The following LRRC4C variants were observed in gnomAD, a reference collection of about 807,000 sequenced individuals.
LRRC4C encodes leucine-rich repeat-containing protein 4C.
Under a neutral mutation model 33.6 loss-of-function variants are expected in LRRC4C, and 5 were observed. That is an observed-to-expected ratio of 0.15 (90% CI 0.08 to 0.31). The LOEUF (loss-of-function observed/expected upper bound fraction) is 0.31, where lower values mean the gene tolerates loss of function less well. Among genes scored for constraint, LRRC4C ranks in the 10% least tolerant of loss-of-function variants. The pLI is 1.00. For synonymous variants in LRRC4C, 329 were observed against 302.0 expected (o/e 1.09, Z -0.93); for missense variants, 560 against 796.7 (o/e 0.70, Z 3.58).
At chr11:40,150,924 G>A (rs1206131087) in intron 5 of LRRC4C, among the ~76,000 whole-genome samples, 1 of 152,028 alleles carries the variant, frequency 6.6e-6, no homozygotes, top group African/African-American at 2.4e-5. Context: ...ACATATGGGG[G>A]TGGTGGTGAG....
chr11:40,358,468 A>G (rs536937558), intron 3 of LRRC4C, among the ~76,000 whole-genome samples: 89 of 152,128 alleles, frequency 5.9e-4, no homozygotes, highest in South Asian at 2.1e-3. Context: ...TTTAGTAGAG[A>G]TGGGGTTTCA....
chr11:40,735,847 C>T (rs1270358523), intron 2 of LRRC4C, among the ~76,000 whole-genome samples: 1 of 150,668 alleles, frequency 6.6e-6, no homozygotes, highest in Non-Finnish European at 1.5e-5. Flanking sequence ...TAATGATCGC[C>T]ATTCTAACTG....
chr11:41,151,906 C>T (rs944400201), intron 1 of LRRC4C, among the ~76,000 whole-genome samples: 4 of 152,164 alleles, frequency 2.6e-5, no homozygotes, highest in African/African-American at 9.7e-5. Context: ...GTAAAAAGTT[C>T]AGCACAGAAT....
intron 4 of LRRC4C, among the ~76,000 whole-genome samples, chr11:40,301,251 A>G (rs1364841047): frequency 6.6e-6 from 1 of 152,228 alleles, no homozygotes; most frequent in Non-Finnish European, 1.5e-5. Flanking sequence ...CAACTCAGTT[A>G]TCTTTTACAT....
At chr11:40,327,508 C>T (rs754249540) in intron 3 of LRRC4C, among the ~76,000 whole-genome samples, 6 of 152,072 alleles carry the variant, frequency 3.9e-5, no homozygotes, top group Admixed American at 3.3e-4. Flanking sequence ...GGCTGAGAAG[C>T]GATATTCATC....
intron 2 of LRRC4C, among the ~76,000 whole-genome samples, chr11:40,655,302 A>G (rs561537301): frequency 6.6e-6 from 1 of 152,342 alleles, no homozygotes; most frequent in South Asian, 2.1e-4. Flanking sequence ...GTCATCATTC[A>G]TAATAACACA....
chr11:41,303,356 C>G (rs1370090731), intron 1 of LRRC4C, among the ~76,000 whole-genome samples: 1 of 117,262 alleles, frequency 8.5e-6, no homozygotes, highest in Non-Finnish European at 1.8e-5. Flanking sequence ...CCCGAGGTGC[C>G]GGGATTGCAG....
intron 3 of LRRC4C, among the ~76,000 whole-genome samples, chr11:40,444,937 T>C (rs1951563223): frequency 6.6e-6 from 1 of 152,132 alleles, no homozygotes; most frequent in South Asian, 2.1e-4. Flanking sequence ...GGAATAGAGG[T>C]GGGAAGACCT....
At chr11:40,470,240 C>G (rs897873948) in intron 3 of LRRC4C, among the ~76,000 whole-genome samples, 4 of 152,178 alleles carry the variant, frequency 2.6e-5, no homozygotes, top group African/African-American at 9.7e-5. Flanking sequence ...CCCAGGCAAA[C>G]AGGGTCTGGA....
chr11:40,725,764 CT>C (rs1947262847), intron 2 of LRRC4C, among the ~76,000 whole-genome samples: 1 of 152,138 alleles, frequency 6.6e-6, no homozygotes, highest in Non-Finnish European at 1.5e-5. Context: ...CTCATCTCAG[CT>C]TTTTAAAAAT....
At chr11:40,284,074 G>A (rs138979665) in intron 4 of LRRC4C, among the ~76,000 whole-genome samples, 2 of 152,260 alleles carry the variant, frequency 1.3e-5, no homozygotes, top group Non-Finnish European at 2.9e-5. Context: ...AATAGTAAGA[G>A]CTATCACAAA....
At chr11:40,378,314 G>T (rs941821431) in intron 3 of LRRC4C, among the ~76,000 whole-genome samples, 2 of 151,874 alleles carry the variant, frequency 1.3e-5, no homozygotes, top group Non-Finnish European at 2.9e-5. Context: ...AGTTCATCAT[G>T]GGAAGCCTTC....
intron 6 of LRRC4C, among the ~76,000 whole-genome samples, chr11:40,119,163 A>G (rs1281602018): frequency 6.6e-6 from 1 of 152,164 alleles, no homozygotes; most frequent in African/African-American, 2.4e-5. Context: ...CCCCTCAGTA[A>G]TAGGAGATGC....
intron 5 of LRRC4C, among the ~76,000 whole-genome samples, chr11:40,235,274 A>G (rs906279797): frequency 6.6e-6 from 1 of 152,242 alleles, no homozygotes; most frequent in African/African-American, 2.4e-5. Context: ...TAAAACATTT[A>G]GCCCAATAGC....
At chr11:40,443,357 A>G (rs1951480282) in intron 3 of LRRC4C, among the ~76,000 whole-genome samples, 1 of 152,218 alleles carries the variant, frequency 6.6e-6, no homozygotes, top group Non-Finnish European at 1.5e-5. Context: ...ATAGACCTTA[A>G]GTAAATTACT....
chr11:41,100,721 C>A (rs1941120984), intron 1 of LRRC4C, among the ~76,000 whole-genome samples: 1 of 152,098 alleles, frequency 6.6e-6, no homozygotes, highest in African/African-American at 2.4e-5. Flanking sequence ...CAAAAAGGAG[C>A]ATGAATAGCC....
At chr11:40,829,775 T>C (rs534640028) in intron 2 of LRRC4C, among the ~76,000 whole-genome samples, 1 of 152,198 alleles carries the variant, frequency 6.6e-6, no homozygotes, top group East Asian at 1.9e-4. Flanking sequence ...CCATTATCTA[T>C]CAACCACTGT....
At chr11:40,961,629 C>A (rs1231741899) in intron 1 of LRRC4C, among the ~76,000 whole-genome samples, 1 of 151,594 alleles carries the variant, frequency 6.6e-6, no homozygotes, top group Non-Finnish European at 1.5e-5. Context: ...TGTGTCTATA[C>A]AAGGTCTACG....
rs372224291 is a variant in LRRC4C, at chr11:41,249,097, C to T, written c.-496+210334G>A. The stretch of plus-strand genomic sequence containing the variant: ...TCGCCCAGACTAGAGTGCAGTGGCA[C>T]GATCTCGGCTCACTGCAAGCTCCAC... On this transcript the variant is annotated intron_variant, in intron 1 of 6. Coordinates refer to ENST00000528697, the MANE Select transcript of LRRC4C (RefSeq NM_001258419.2). 1.7e-3 allele frequency among the ~76,000 whole-genome samples: 259 copies of T among 151,376 alleles called. 1 individual carries two copies. Among genetic ancestry groups the T allele is most frequent in the African/African-American group, 5.6e-3 (231 of 41,258 alleles).
Sources: gnomAD v4.1 joint callset for allele counts (sites outside exome capture counted in the v4.1 genomes callset) on GRCh38, gnomAD v4.1.1 for gene constraint, MANE v1.5 for transcripts, NCBI Gene and HGNC (gene_info 2026-07-23, HGNC 2026-07-21) for gene names.